PDGFRL: variants seen among roughly 807,000 people sequenced by gnomAD.
The protein encoded by PDGFRL is platelet-derived growth factor receptor-like protein.
PDGFRL carries 46 observed loss-of-function variants against 37.2 expected under a neutral mutation model. The ratio of observed to expected loss-of-function variants is 1.24; its 90% CI spans 0.98 to 1.58. The LOEUF (loss-of-function observed/expected upper bound fraction) is 1.58. Ranked by LOEUF, PDGFRL falls within the 40% of genes most tolerant of loss-of-function variation. PDGFRL has a pLI of 0.00. For missense variants in PDGFRL, 692 were observed against 467.6 expected (o/e 1.48, Z -4.43); for synonymous variants, 251 against 184.3 (o/e 1.36, Z -2.93).
intron 3 of PDGFRL, among the ~76,000 whole-genome samples, chr8:17,627,756 A>C (rs138781717): frequency 1.6e-4 from 25 of 151,730 alleles, no homozygotes; most frequent in African/African-American, 5.3e-4. Flanking sequence ...GATTACAGGC[A>C]TGAGCCACCA....
At chr8:17,620,835 CT>C (rs1441065701) in intron 2 of PDGFRL, among the ~76,000 whole-genome samples, 2 of 145,538 alleles carry the variant, frequency 1.4e-5, no homozygotes, top group Non-Finnish European at 3.0e-5. Flanking sequence ...CATTTTTTTC[CT>C]GATTTCTTTT....
chr8:17,609,416 A>T (rs888338103), intron 2 of PDGFRL, among the ~76,000 whole-genome samples: 1 of 151,874 alleles, frequency 6.6e-6, no homozygotes, highest in African/African-American at 2.4e-5. Context: ...CGCAGGTTGC[A>T]GTGAGCTGAG....
rs760976884 is a variant in PDGFRL, at chr8:17,642,531, C to T, written c.940-82C>T. ...CATGTGCTTTGCTCTCTGAAAGGAA[C>T]GCTCAACAGTGTTGGGTGAGTGGGA... is the stretch of plus-strand genomic sequence containing the variant. On this transcript the variant is annotated intron_variant, in intron 5 of 5. Transcript: ENST00000251630. 48 of 799,888 alleles carry T rather than the reference C, an allele frequency of 6.0e-5. 1 individual carries two copies. The highest frequency in any genetic ancestry group is 5.6e-4 in the South Asian group (38 of 68,006). 49.5% of individuals were successfully genotyped at this position (799,888 alleles called of 1,614,324 possible). A position where few individuals can be genotyped will look rare whatever the true frequency, so the allele number is the denominator to read the frequency against.
chr8:17,614,771 G>T (rs1804490520), intron 2 of PDGFRL, among the ~76,000 whole-genome samples: 1 of 152,050 alleles, frequency 6.6e-6, no homozygotes, highest in Non-Finnish European at 1.5e-5. Flanking sequence ...TAGAGATGGG[G>T]GTCTCTCTTT....
intron 3 of PDGFRL, among the ~76,000 whole-genome samples, chr8:17,625,943 C>A (rs919020026): frequency 1.3e-5 from 2 of 152,182 alleles, no homozygotes; most frequent in South Asian, 4.2e-4. Context: ...TGCAGTAAGT[C>A]ATGATGGTGC....
intron 1 of PDGFRL, among the ~76,000 whole-genome samples, chr8:17,578,358 C>T (rs536479658): frequency 6.6e-6 from 1 of 152,120 alleles, no homozygotes; most frequent in South Asian, 2.1e-4. Context: ...CTACATTTGC[C>T]AAAAAAATAC....
At chr8:17,601,398 C>G (rs1200102438) in intron 2 of PDGFRL, among the ~76,000 whole-genome samples, 2 of 151,936 alleles carry the variant, frequency 1.3e-5, no homozygotes, top group East Asian at 3.9e-4. Flanking sequence ...GGAGCAAGCT[C>G]AAAGAACTTT....
At chr8:17,584,767 A>G (rs957407562) in intron 1 of PDGFRL, among the ~76,000 whole-genome samples, 18 of 151,756 alleles carry the variant, frequency 1.2e-4, no homozygotes, top group African/African-American at 4.4e-4. Context: ...GTTACCGGAA[A>G]GGGGTCCTGA....
intron 4 of PDGFRL, among the ~76,000 whole-genome samples, chr8:17,629,085 CTTTTT>C (rs397892660): frequency 8.1e-6 from 1 of 122,930 alleles, no homozygotes; most frequent in African/African-American, 3.1e-5. Flanking sequence ...GCCCTGCTAA[CTTTTT>C]TTTTTTTTTT....
chr8:17,596,239 G>T, intron 2 of PDGFRL: 2 of 653,588 alleles, frequency 3.1e-6, no homozygotes, highest in South Asian at 7.9e-5. Context: ...CCGGGCTGGG[G>T]GTGTCCATGT....
At chr8:17,608,234 C>T (rs939453233) in intron 2 of PDGFRL, among the ~76,000 whole-genome samples, 6 of 152,204 alleles carry the variant, frequency 3.9e-5, no homozygotes, top group Admixed American at 1.3e-4. Flanking sequence ...CCTCTCTCTC[C>T]ATCCCACTGC....
chr8:17,628,041 T>G (rs1338655818), intron 3 of PDGFRL, among the ~76,000 whole-genome samples: 1 of 140,174 alleles, frequency 7.1e-6, no homozygotes, highest in Non-Finnish European at 1.5e-5. Flanking sequence ...TCGCCCAGGC[T>G]GGAGTGCAGT....
At position 17,634,132 on chromosome 8, in the gene PDGFRL, G is replaced by A; in HGVS notation, c.858G>A (p.Gly286=). The change falls in exon 5 of 6, where the codon GGG becomes GGA. Residue 286 remains glycine, a synonymous_variant. Coordinates refer to ENST00000251630, the MANE Select transcript of PDGFRL (RefSeq NM_001372073.1). ...ILASSNKVKS[G]DDISVLCTVL... ...CTTCTTCAAACAAAGTGAAAAGTGG[G>A]GACGACATCAGTGTGCTCTGCACTG... 1.2e-6 allele frequency: 2 copies of A among 1,613,466 alleles called. No individual in the cohort carries two copies. The highest frequency in any genetic ancestry group is 1.7e-6 in the Non-Finnish European group (2 of 1,179,398).
chr8:17,590,257 T>TTGCAAATCCTACCAACATTTGC (rs1246825201), intron 2 of PDGFRL, among the ~76,000 whole-genome samples: 1 of 42,674 alleles, frequency 2.3e-5, no homozygotes, highest in Non-Finnish European at 5.9e-5. Flanking sequence ...AAAAAAAAAA[T>TTGCAAATCCTACCAACATTTGC]TGCAAATCCT....
chr8:17,577,183 G>T, upstream of PDGFRL: 1 of 1,480,056 alleles, frequency 6.8e-7, no homozygotes, highest in Admixed American at 2.1e-5. Flanking sequence ...CCCCTCGCCC[G>T]CCGCCTCCCC....
intron 2 of PDGFRL, chr8:17,596,322 G>A: frequency 1.6e-6 from 2 of 1,231,782 alleles, no homozygotes; most frequent in East Asian, 2.9e-5. Flanking sequence ...CAGGCACATG[G>A]GCTGCACGTA....
chr8:17,626,144 G>A (rs976308070), intron 3 of PDGFRL, among the ~76,000 whole-genome samples: 3 of 152,168 alleles, frequency 2.0e-5, no homozygotes, highest in Admixed American at 2.0e-4. Flanking sequence ...AAATCCTAAA[G>A]TGTTGTTGCT....
chr8:17,621,192 C>CT lies in PDGFRL; in HGVS notation c.501dup (p.Thr168TyrfsTer59). On this transcript the variant is annotated frameshift_variant, in exon 3 of 6. Transcript: ENST00000251630. LOFTEE classifies it high-confidence loss of function. ...AGGCCAAAACGGGCTCCACCTACAT[C>CT]TTTTTTACAGGTAAAATACTTGGTG... is the stretch of plus-strand genomic sequence containing the variant. 1.2e-6 allele frequency: 2 copies of CT among 1,607,028 alleles called. No homozygotes were observed. Among genetic ancestry groups the CT allele is most frequent in the Middle Eastern group, 1.7e-4 (1 of 6,016 alleles).
At chr8:17,632,918 C>G (rs73571127) in intron 4 of PDGFRL, among the ~76,000 whole-genome samples, 6 of 152,190 alleles carry the variant, frequency 3.9e-5, no homozygotes, top group African/African-American at 1.4e-4. Flanking sequence ...ACAGCGCTTC[C>G]TCAAGGAAGC....
Sources: gnomAD v4.1 joint callset for allele counts (sites outside exome capture counted in the v4.1 genomes callset) on GRCh38, gnomAD v4.1.1 for gene constraint, MANE v1.5 for transcripts, NCBI Gene and HGNC (gene_info 2026-07-23, HGNC 2026-07-21) for gene names.